SLC24A5: variants seen among roughly 807,000 people sequenced by gnomAD.
The protein encoded by SLC24A5 is sodium/potassium/calcium exchanger 5.
In SLC24A5, 46 loss-of-function variants were observed where a neutral mutation model predicts 51.6. The observed-to-expected ratio is 0.89, with a 90% confidence interval of 0.70 to 1.14. SLC24A5 has a LOEUF of 1.14. Among genes scored for constraint, SLC24A5 ranks in the 50% most tolerant of loss-of-function variants. SLC24A5 has a pLI of 0.00. For synonymous variants in SLC24A5, 230 were observed against 214.9 expected, an observed-to-expected ratio of 1.07 and a Z score of -0.62; for missense variants, 581 against 604.1, an observed-to-expected ratio of 0.96 and a Z score of 0.40.
chr15:48,134,269 T>C lies in SLC24A5; in HGVS notation c.313T>C (p.Ser105Pro), dbSNP rs1567224074. 2.5e-6 allele frequency: 4 copies of C among 1,613,486 alleles called. No homozygotes were observed. The Admixed American group carries it at 5.0e-5, about 20-fold the overall frequency. The change falls in exon 3 of 9, where the codon TCT becomes CCT. Residue 105 changes from serine (S) to proline (P), a missense_variant. By Grantham distance (74) the Ser-to-Pro change is moderately conservative. Transcript: ENST00000341459. ...LEIISESLGL[S>P]QDVAGTTFMA... ...TCATTTATGTTCAGCCCTTGGATTG[T>C]CTCAGGATGTTGCAGGCACAACTTT...
chr15:48,138,905 T>G, intron 6 of SLC24A5, 64 bp from the exon 7 acceptor site: 1 of 1,186,816 alleles, frequency 8.4e-7, no homozygotes, highest in Non-Finnish European at 1.2e-6. Flanking sequence ...ACTTTCTAAA[T>G]AGGCATTTCT....
chr15:48,135,044 A>G, intron 5 of SLC24A5, 60 bp downstream of exon 5: 2 of 1,363,890 alleles, frequency 1.5e-6, no homozygotes, highest in Non-Finnish European at 2.1e-6. Flanking sequence ...CTGATGGTTC[A>G]GTAATTTTTT....
rs760875527 is a variant in SLC24A5 at position 48,121,926 on chromosome 15, G to A, written c.191G>A (p.Arg64His). 1.2e-5 allele frequency: 19 copies of A among 1,613,988 alleles called. No homozygotes were observed. Among genetic ancestry groups the A allele is most frequent in the African/African-American group, 2.7e-5 (2 of 74,902 alleles). ...GAAGGGTTTTTCACGAGACAGGAGC[G>A]CAGAGATGGAGGCATCATAATCTAT... ...FPEGFFTRQE[R>H]RDGGIIIYFL... Residue 64 changes from arginine (R) to histidine (H), a missense_variant, in exon 2 of 9, where the codon CGC (arginine) becomes CAC (histidine). Transcript: ENST00000341459.
intron 2 of SLC24A5, 75 bp downstream of exon 2, chr15:48,122,111 T>A (rs1162969152): frequency 1.4e-6 from 2 of 1,465,306 alleles, no homozygotes; most frequent in Non-Finnish European, 1.9e-6. Flanking sequence ...TTGAAATAGC[T>A]CAGCAGCTGT....
chr15:48,135,048 AT>A (rs1274142347), intron 5 of SLC24A5, 64 bp downstream of exon 5: 33 of 1,305,752 alleles, frequency 2.5e-5, no homozygotes, highest in Non-Finnish European at 2.7e-5. Context: ...TGGTTCAGTA[AT>A]TTTTTTTCAG....
In SLC24A5 at chr15:48,138,991, GC is replaced by G. The variant is rs762506377; in HGVS notation, c.896del (p.Pro299LeufsTer5). 3.7e-5 allele frequency: 60 copies of G among 1,612,422 alleles called. No individual in the cohort carries two copies. The highest frequency in any genetic ancestry group is 5.0e-5 in the Non-Finnish European group (59 of 1,179,046). On this transcript the variant is annotated frameshift_variant, in exon 7 of 9. Coordinates refer to ENST00000341459, the MANE Select transcript of SLC24A5 (RefSeq NM_205850.3). LOFTEE classifies it high-confidence loss of function. Reference protein sequence around the residue: ...SEDPPSVFNMPEADLKRIFWV... With the variant: ...SEDPPSVFNMXEADLKRIFWV... Reference sequence around the variant, plus strand: ...CAGATCCACCAAGTGTTTTCAACATGCCTGAAGCAGACTTAAAAAGAATTTT... The same window carrying G: ...CAGATCCACCAAGTGTTTTCAACATGCTGAAGCAGACTTAAAAAGAATTTT...
At chr15:48,137,043 T>C in intron 6 of SLC24A5, 80 bp downstream of exon 6, 1 of 1,432,802 alleles carries the variant, frequency 7.0e-7, no homozygotes. Flanking sequence ...CAGCAAGTAT[T>C]GTGTGCTTTT....
chr15:48,140,764 C>T (rs866484313), intron 7 of SLC24A5: 5 of 192,754 alleles, frequency 2.6e-5, no homozygotes, highest in South Asian at 1.0e-4. Context: ...AAAGAAAAAG[C>T]GGAATGATCA....
chr15:48,128,353 T>C (rs2038753543), intron 2 of SLC24A5, among the ~76,000 whole-genome samples: 1 of 152,152 alleles, frequency 6.6e-6, no homozygotes, highest in Non-Finnish European at 1.5e-5. Context: ...TTATAACACG[T>C]CTTATATGAA....
chr15:48,132,326 TTC>T (rs894478602), intron 2 of SLC24A5, among the ~76,000 whole-genome samples: 1 of 152,084 alleles, frequency 6.6e-6, no homozygotes, highest in African/African-American at 2.4e-5. Context: ...TCTGACATTT[TTC>T]TCTCTCTCCC....
chr15:48,132,011 G>C (rs2038795447), intron 2 of SLC24A5, among the ~76,000 whole-genome samples: 1 of 152,120 alleles, frequency 6.6e-6, no homozygotes, highest in Admixed American at 6.6e-5. Flanking sequence ...AGATTTCTAA[G>C]TACTTCCCAC....
At chr15:48,130,893 G>A (rs1436111781) in intron 2 of SLC24A5, among the ~76,000 whole-genome samples, 2 of 152,040 alleles carry the variant, frequency 1.3e-5, no homozygotes, top group Admixed American at 1.3e-4. Context: ...CTTATATTGG[G>A]TTTCTGTGGT....
chr15:48,140,656 A>G (rs2039042155), intron 7 of SLC24A5: 1 of 152,472 alleles, frequency 6.6e-6, no homozygotes, highest in South Asian at 2.1e-4. Context: ...GTATATCACT[A>G]AAGTAGAACA....
At chr15:48,128,357 A>G (rs1212289210) in intron 2 of SLC24A5, among the ~76,000 whole-genome samples, 1 of 152,188 alleles carries the variant, frequency 6.6e-6, no homozygotes. Flanking sequence ...AACACGTCTT[A>G]TATGAAAATG....
intron 7 of SLC24A5, 24 bp downstream of exon 7, chr15:48,139,199 A>G (rs2038980522): frequency 6.4e-7 from 1 of 1,562,262 alleles, no homozygotes; most frequent in South Asian, 1.1e-5. Flanking sequence ...GTACAATAGC[A>G]CAACTTGAAA....
rs1278649521 is a variant in SLC24A5 at position 48,139,042 on chromosome 15, T to C, written c.945T>C (p.Ile315=). ...TTTGGGTATTATCCCTTCCTATTAT[T>C]ACATTACTTTTTCTAACCACACCAG... is the stretch of plus-strand genomic sequence containing the variant. The part of the protein sequence containing the change: ...RIFWVLSLPI[I]TLLFLTTPDC... The change falls in exon 7 of 9, where the codon ATT becomes ATC. Residue 315 remains isoleucine (I), a synonymous_variant. Coordinates refer to ENST00000341459, the MANE Select transcript of SLC24A5 (RefSeq NM_205850.3). The C allele has an allele frequency of 6.2e-7, 1 of 1,613,004 alleles. No homozygotes were observed. The highest frequency in any genetic ancestry group is 8.5e-7 in the Non-Finnish European group (1 of 1,179,308).
chr15:48,135,917 G>A (rs1013573713), intron 5 of SLC24A5: 2 of 152,144 alleles, frequency 1.3e-5, no homozygotes, highest in African/African-American at 2.4e-5. Flanking sequence ...GATAGTGACT[G>A]TGAGAGTATC....
At chr15:48,131,801 CA>C (rs2038792575) in intron 2 of SLC24A5, among the ~76,000 whole-genome samples, 1 of 152,162 alleles carries the variant, frequency 6.6e-6, no homozygotes, top group Non-Finnish European at 1.5e-5. Context: ...AGATGTTCAA[CA>C]AGCAACATGA....
intron 2 of SLC24A5, among the ~76,000 whole-genome samples, chr15:48,133,542 A>G (rs747081060): frequency 3.9e-5 from 6 of 152,154 alleles, no homozygotes; most frequent in Non-Finnish European, 7.4e-5. Context: ...TTATATTCCT[A>G]TTCTAGAGCA....
Sources: allele counts gnomAD v4.1 joint callset (sites outside exome capture counted in the v4.1 genomes callset), GRCh38; gene constraint gnomAD v4.1.1; transcripts MANE v1.5; gene names NCBI Gene and HGNC (gene_info 2026-07-23, HGNC 2026-07-21).